The following DDX59 variants were observed in gnomAD, a reference collection of about 807,000 sequenced individuals.
DDX59 encodes the protein probable ATP-dependent RNA helicase DDX59.
DDX59 carries 30 observed loss-of-function variants against 51.9 expected under a neutral mutation model. That is an observed-to-expected ratio of 0.58 (90% CI 0.43 to 0.78). The LOEUF (loss-of-function observed/expected upper bound fraction) is 0.78. Ranked by LOEUF, DDX59 falls within the 30% of genes least tolerant of loss-of-function variation. DDX59 has a pLI of 0.00. For missense variants in DDX59, 672 were observed against 730.8 expected (o/e 0.92, Z 0.93); for synonymous variants, 255 against 253.3 (o/e 1.01, Z -0.06).
At chr1:200,651,051 T>G (rs1661627857) in intron 4 of DDX59, among the ~76,000 whole-genome samples, 1 of 152,104 alleles carries the variant, frequency 6.6e-6, no homozygotes, top group Non-Finnish European at 1.5e-5. Flanking sequence ...AAAAGCAAAT[T>G]ACAGAATATT....
chr1:200,666,432 T>C lies in DDX59; in HGVS notation c.309A>G (p.Pro103=), dbSNP rs3795633. 137,088 of 1,614,008 alleles carry C rather than the reference T, an allele frequency of 0.085. 10,377 individuals are homozygous for C. Among genetic ancestry groups the C allele is most frequent in the East Asian group, 0.4 (18,031 of 44,850 alleles). Reference sequence around the variant, plus strand: ...CACAGACAACACAGATGGGTTCCCCTGGTTCTGCCCAGCGCTGTGTTTTGG... The same window carrying C: ...CACAGACAACACAGATGGGTTCCCCCGGTTCTGCCCAGCGCTGTGTTTTGG... ...SFSKTQRWAE[P]GEPICVVCGR... Residue 103 remains proline (P), a synonymous_variant, in exon 2 of 8, where the codon CCA becomes CCG. Coordinates refer to ENST00000331314, the MANE Select transcript of DDX59 (RefSeq NM_001031725.6).
At chr1:200,669,005 C>T (rs1361283303) in intron 1 of DDX59, among the ~76,000 whole-genome samples, 1 of 152,174 alleles carries the variant, frequency 6.6e-6, no homozygotes, top group Non-Finnish European at 1.5e-5. Context: ...CCAAGCTGTA[C>T]CCCAATTTCC....
intron 4 of DDX59, among the ~76,000 whole-genome samples, chr1:200,657,748 CAAA>C (rs1267173346): frequency 6.2e-5 from 5 of 80,552 alleles, no homozygotes; most frequent in African/African-American, 8.8e-5. Flanking sequence ...GACTCTGTCT[CAAA>C]AAAAAAAAAA....
intron 4 of DDX59, among the ~76,000 whole-genome samples, chr1:200,656,381 C>T (rs1009870683): frequency 6.6e-6 from 1 of 152,150 alleles, no homozygotes. Flanking sequence ...CATATGATAA[C>T]GTTCTCGCCT....
At position 200,666,785 on chromosome 1, in the gene DDX59, A is replaced by G. The variant is rs780714129; in HGVS notation, c.-11-34T>C. The stretch of plus-strand genomic sequence containing the variant: ...GAAATTATATAATGAGATTTATTGT[A>G]CCATTAATAAAGTTCACATATAAAG... On this transcript the variant is annotated intron_variant, in intron 1 of 7. Coordinates refer to ENST00000331314, the MANE Select transcript of DDX59 (RefSeq NM_001031725.6). The G allele has an allele frequency of 6.4e-6, 10 of 1,553,696 alleles. No homozygotes were observed. The East Asian group carries it at 2.2e-4, about 35-fold the overall frequency.
chr1:200,656,599 A>G (rs1177385734), intron 4 of DDX59, among the ~76,000 whole-genome samples: 1 of 152,220 alleles, frequency 6.6e-6, no homozygotes, highest in Non-Finnish European at 1.5e-5. Context: ...CCCAGAAACC[A>G]TATTCCTTAA....
chr1:200,656,899 T>TA (rs1194298470), intron 4 of DDX59, among the ~76,000 whole-genome samples: 7 of 151,700 alleles, frequency 4.6e-5, no homozygotes, highest in Non-Finnish European at 1.0e-4. Context: ...AAACAAATTT[T>TA]AAAAACAAAG....
At chr1:200,650,802 G>T in intron 4 of DDX59, 126 bp from the exon 5 acceptor site, 1 of 816,684 alleles carries the variant, frequency 1.2e-6, no homozygotes, top group Non-Finnish European at 1.8e-6. Flanking sequence ...ATACCACAAT[G>T]TCAAGAGAAC....
chr1:200,667,170 C>T (rs566413009), intron 1 of DDX59, among the ~76,000 whole-genome samples: 175 of 150,864 alleles, frequency 1.2e-3, no homozygotes, highest in African/African-American at 4.2e-3. Context: ...TTTGGGAGGC[C>T]GAGGCGGGCA....
chr1:200,649,955 G>A (rs1032543219), intron 5 of DDX59, among the ~76,000 whole-genome samples: 3 of 150,494 alleles, frequency 2.0e-5, no homozygotes, highest in Non-Finnish European at 3.0e-5. Flanking sequence ...CCATTCTCCT[G>A]CCTCAGCCTC....
rs992813077 is a variant in DDX59 at position 200,669,885 on chromosome 1, G to A, written c.-130C>T. The A allele has an allele frequency of 8.1e-6, 1 of 124,036 alleles. No individual in the cohort carries two copies. The highest frequency in any genetic ancestry group is 1.7e-5 in the Non-Finnish European group (1 of 57,600). 7.7% of individuals were successfully genotyped at this position (124,036 alleles called of 1,614,324 possible). A position where few individuals can be genotyped will look rare whatever the true frequency, so the allele number is the denominator to read the frequency against. On this transcript the variant is annotated 5_prime_UTR_variant, in exon 1 of 8. Transcript: ENST00000331314. Reference sequence around the variant, plus strand: ...ACCCGCTCGTCAGGACTGCGGCCCGGGGTTGGTGGTGCGGAGCGGAGCGGA... The same window carrying A: ...ACCCGCTCGTCAGGACTGCGGCCCGAGGTTGGTGGTGCGGAGCGGAGCGGA...
rs2809362 is a variant in DDX59, at chr1:200,650,205, A to T, written c.1314+220T>A. Among the ~76,000 whole-genome samples, 150,450 of 152,314 alleles carry T rather than the reference A, an allele frequency of 0.99. 74,325 individuals carry two copies. Among genetic ancestry groups the T allele is most frequent in the Middle Eastern group, 1 (294 of 294 alleles). ...GGAATAATCTTGATATTTAAATATA[A>T]TTCTATAAGGAAAAGAAAACCCAAC... On this transcript the variant is annotated intron_variant, in intron 5 of 7. Transcript: ENST00000331314.
At chr1:200,654,337 C>G (rs1661870301) in intron 4 of DDX59, 1 of 152,018 alleles carries the variant, frequency 6.6e-6, no homozygotes, top group Non-Finnish European at 1.5e-5. Flanking sequence ...GGCATGAACC[C>G]AGGAGGCGGA....
At chr1:200,650,293 G>A (rs1661573683) in intron 5 of DDX59, 132 bp downstream of exon 5, 1 of 940,018 alleles carries the variant, frequency 1.1e-6, no homozygotes, top group East Asian at 2.7e-5. Flanking sequence ...GAATTCTAGG[G>A]TAGGTAAAGC....
chr1:200,668,025 G>A (rs1175906558), intron 1 of DDX59, among the ~76,000 whole-genome samples: 1 of 152,142 alleles, frequency 6.6e-6, no homozygotes, highest in Non-Finnish European at 1.5e-5. Context: ...TGGGCTGGGC[G>A]CAGTGGCTCA....
chr1:200,666,436 T>A lies in DDX59; in HGVS notation c.305A>T (p.Glu102Val), dbSNP rs747666321. The A allele has an allele frequency of 6.2e-7, 1 of 1,614,232 alleles. No individual in the cohort carries two copies. Among genetic ancestry groups the A allele is most frequent in the South Asian group, 1.1e-5 (1 of 91,084 alleles). Reference sequence around the variant, plus strand: ...GACAACACAGATGGGTTCCCCTGGTTCTGCCCAGCGCTGTGTTTTGGAAAA... The same window carrying A: ...GACAACACAGATGGGTTCCCCTGGTACTGCCCAGCGCTGTGTTTTGGAAAA... ...KSFSKTQRWA[E>V]PGEPICVVCG... Residue 102 changes from glutamate to valine, a missense_variant, in exon 2 of 8, where the codon GAA (glutamate) becomes GTA (valine). Transcript: ENST00000331314.
At chr1:200,649,284 A>AG (rs1260435053) in intron 5 of DDX59, 58 bp from the exon 6 acceptor site, 40 of 1,426,256 alleles carry the variant, frequency 2.8e-5, no homozygotes, top group Non-Finnish European at 3.6e-5. Flanking sequence ...TACAATGGGA[A>AG]GTTTTTCTGA....
At chr1:200,663,134 C>A (rs887124788) in intron 3 of DDX59, among the ~76,000 whole-genome samples, 1 of 152,032 alleles carries the variant, frequency 6.6e-6, no homozygotes, top group Non-Finnish European at 1.5e-5. Context: ...GCTGCCCCAG[C>A]CCCCTGAGTG....
chr1:200,641,163 T>G, downstream of DDX59: 1 of 1,303,578 alleles, frequency 7.7e-7, no homozygotes, highest in South Asian at 1.2e-5. Context: ...GGAGTAAACT[T>G]CATATTGATT....
Sources: gnomAD v4.1 joint callset for allele counts (sites outside exome capture counted in the v4.1 genomes callset) on GRCh38, gnomAD v4.1.1 for gene constraint, MANE v1.5 for transcripts, NCBI Gene and HGNC (gene_info 2026-07-23, HGNC 2026-07-21) for gene names.